Variants in SLIT2 observed in about 807,000 individuals in gnomAD.
The protein encoded by SLIT2 is slit homolog 2 protein.
Under a neutral mutation model 185.7 loss-of-function variants are expected in SLIT2, and 41 were observed. That is an observed-to-expected ratio of 0.22 (90% CI 0.17 to 0.29). The LOEUF (loss-of-function observed/expected upper bound fraction) is 0.29, where lower values mean the gene tolerates loss of function less well. Among genes scored for constraint, SLIT2 ranks in the 10% least tolerant of loss-of-function variants. The pLI is 1.00. For missense variants in SLIT2, 1,571 were observed against 1,909.0 expected (o/e 0.82, Z 3.30); for synonymous variants, 693 against 680.2 (o/e 1.02, Z -0.29).
chr4:20,614,708 C>T (rs931727888), intron 34 of SLIT2, among the ~76,000 whole-genome samples: 13 of 146,780 alleles, frequency 8.9e-5, no homozygotes, highest in Admixed American at 5.7e-4. Context: ...ACCCAGGAGG[C>T]GGGGGTTGCA....
At position 20,523,810 on chromosome 4, in the gene SLIT2, A is replaced by C; in HGVS notation, c.1181A>C (p.Asp394Ala). The C allele has an allele frequency of 6.2e-7, 1 of 1,613,958 alleles. No homozygotes were observed. The highest frequency in any genetic ancestry group is 1.1e-5 in the South Asian group (1 of 91,082). Residue 394 changes from aspartate (D) to alanine (A), a missense_variant, in exon 13 of 37, where the codon GAT becomes GCT. By Grantham distance (126) the Asp-to-Ala change is moderately radical. This residue lies in a region of SLIT2 where 1,202 missense variants were observed against 1,416.4 expected (regional missense o/e 0.85). Transcript: ENST00000504154. ...INCLRVDAFQDLHNLNLLSLY... is the reference protein window; with the variant it reads ...INCLRVDAFQALHNLNLLSLY... ...TGCCTTCGGGTAGATGCTTTTCAGG[A>C]TCTCCACAACTTGAACCTTCTCTCC...
chr4:20,256,735 A>G lies in SLIT2; in HGVS notation c.243A>G (p.Leu81=), dbSNP rs1052560072. ...CAGATTTTGCTGGTCTTAGACATCT[A>G]AGAGTTCTGTAAGTGCATCCTCTGT... is the stretch of plus-strand genomic sequence containing the variant. ...TKTDFAGLRH[L]RVLQLMENKI... The change falls in exon 2 of 37, where the codon CTA becomes CTG. Residue 81 remains leucine (L), a synonymous_variant. Coordinates refer to ENST00000504154, the MANE Select transcript of SLIT2 (RefSeq NM_004787.4). The G allele has an allele frequency of 2.6e-6, 4 of 1,518,130 alleles. No individual in the cohort carries two copies. In the Admixed American group the frequency reaches 7.2e-5, roughly 27 times the overall value. 94.0% of individuals were successfully genotyped at this position (1,518,130 alleles called of 1,614,324 possible). A position where few individuals can be genotyped will look rare whatever the true frequency, so the allele number is the denominator to read the frequency against.
intron 33 of SLIT2, among the ~76,000 whole-genome samples, chr4:20,601,703 G>T (rs539799617): frequency 6.6e-6 from 1 of 152,130 alleles, no homozygotes; most frequent in Non-Finnish European, 1.5e-5. Flanking sequence ...TTTGATGAAA[G>T]ATAGTACTTC....
chr4:20,381,209 C>T (rs941441246), intron 4 of SLIT2, among the ~76,000 whole-genome samples: 10 of 151,832 alleles, frequency 6.6e-5, no homozygotes, highest in Non-Finnish European at 1.2e-4. Context: ...GCTGAGGTTG[C>T]GCAACTGGGC....
chr4:20,603,966 G>A (rs1281829261), intron 33 of SLIT2, among the ~76,000 whole-genome samples: 1 of 152,132 alleles, frequency 6.6e-6, no homozygotes. Flanking sequence ...TTATAACCTT[G>A]GGCAGATTGC....
At chr4:20,267,951 C>T (rs1713212304) in intron 3 of SLIT2, among the ~76,000 whole-genome samples, 2 of 151,764 alleles carry the variant, frequency 1.3e-5, no homozygotes, top group South Asian at 2.1e-4. Flanking sequence ...AGCTCTTTAT[C>T]GTTTTATTTA....
chr4:20,581,770 T>G (rs902255180), intron 29 of SLIT2, among the ~76,000 whole-genome samples: 2 of 152,044 alleles, frequency 1.3e-5, no homozygotes, highest in Non-Finnish European at 2.9e-5. Context: ...TTTCCAGAAT[T>G]TCGCTCTTCA....
At chr4:20,321,604 G>C (rs1013364714) in intron 4 of SLIT2, among the ~76,000 whole-genome samples, 6 of 152,160 alleles carry the variant, frequency 3.9e-5, no homozygotes, top group African/African-American at 1.4e-4. Flanking sequence ...GAATCCAGGA[G>C]AAGTACTGTG....
chr4:20,591,512 A>G (rs1283148616), intron 30 of SLIT2, among the ~76,000 whole-genome samples: 1 of 152,094 alleles, frequency 6.6e-6, no homozygotes, highest in Non-Finnish European at 1.5e-5. Context: ...CTTTTTGAAA[A>G]AGGAAAGAAT....
rs1725216929 is a variant in SLIT2 at position 20,567,674 on chromosome 4, C to A, written c.2948+59C>A. ...AGTATTGGAGCAAAGATAACTAAGC[C>A]AACATACATTTTCCTTTTCAAATCA... On this transcript the variant is annotated intron_variant, in intron 28 of 36. Coordinates refer to ENST00000504154, the MANE Select transcript of SLIT2 (RefSeq NM_004787.4). 8.6e-6 allele frequency: 11 copies of A among 1,280,104 alleles called. No individual in the cohort carries two copies. In the South Asian group the frequency reaches 1.3e-4, roughly 15 times the overall value. The allele number at this position is 1,280,104 out of a possible 1,614,324, so 79.3% of individuals were successfully genotyped here. A position where few individuals can be genotyped will look rare whatever the true frequency, so the allele number is the denominator to read the frequency against.
intron 4 of SLIT2, among the ~76,000 whole-genome samples, chr4:20,399,179 G>A (rs73250370): frequency 0.073 from 11,019 of 151,624 alleles, 550 homozygotes; most frequent in Non-Finnish European, 0.11. Flanking sequence ...AATGGGGTAA[G>A]TAAAACTTTA....
At chr4:20,312,250 A>T (rs540790081) in intron 4 of SLIT2, among the ~76,000 whole-genome samples, 1 of 152,334 alleles carries the variant, frequency 6.6e-6, no homozygotes, top group South Asian at 2.1e-4. Context: ...AACTCAACTA[A>T]CTTAGGCATT....
chr4:20,510,618 A>G (rs982499339), intron 10 of SLIT2, 52 bp downstream of exon 10: 4 of 1,138,246 alleles, frequency 3.5e-6, no homozygotes, highest in Admixed American at 1.8e-5. Flanking sequence ...TATAGAGGTC[A>G]TGAGACCATG....
At chr4:20,342,495 G>A (rs1168078909) in intron 4 of SLIT2, among the ~76,000 whole-genome samples, 1 of 151,898 alleles carries the variant, frequency 6.6e-6, no homozygotes, top group Non-Finnish European at 1.5e-5. Context: ...AGAAGAGGTG[G>A]AATTTGACTC....
intron 4 of SLIT2, among the ~76,000 whole-genome samples, chr4:20,328,141 C>A (rs1011387843): frequency 6.6e-6 from 1 of 151,992 alleles, no homozygotes; most frequent in Non-Finnish European, 1.5e-5. Flanking sequence ...TTAGAATGTC[C>A]ATTTCAGTTC....
rs192535320 is a variant in SLIT2 at position 20,303,551 on chromosome 4, C to A, written c.395+34670C>A. Among the ~76,000 whole-genome samples, 250 of 152,098 alleles carry A rather than the reference C, an allele frequency of 1.6e-3. 2 individuals are homozygous for A. Among genetic ancestry groups the A allele is most frequent in the African/African-American group, 5.8e-3 (239 of 41,494 alleles). ...TCTTCCTCTCTTTCTTTCTTTTCCT[C>A]CTTTGTACCAACCTCTGTGTTAATA... On this transcript the variant is annotated intron_variant, in intron 4 of 36. Transcript: ENST00000504154.
In SLIT2 at chr4:20,484,996, C is replaced by G. The variant is rs1426988146; in HGVS notation, c.540-1204C>G. On this transcript the variant is annotated intron_variant, in intron 6 of 36. Coordinates refer to ENST00000504154, the MANE Select transcript of SLIT2 (RefSeq NM_004787.4). This position sits in a 1 kb window ranked among gnomAD's most constrained non-coding sequence, Gnocchi z 4.3. Reference sequence around the variant, plus strand: ...TCAGGCCCTGCAGTGAACTTGCAACCCCTAATTCAAATCCTTGTCCAGTAT... The same window carrying G: ...TCAGGCCCTGCAGTGAACTTGCAACGCCTAATTCAAATCCTTGTCCAGTAT... 6.6e-6 allele frequency among the ~76,000 whole-genome samples: 1 copy of G among 152,104 alleles called. No homozygotes were observed. The highest frequency in any genetic ancestry group is 1.9e-4 in the East Asian group (1 of 5,176).
At chr4:20,574,614 CT>C (rs1725922666) in intron 29 of SLIT2, among the ~76,000 whole-genome samples, 1 of 152,024 alleles carries the variant, frequency 6.6e-6, no homozygotes, top group African/African-American at 2.4e-5. Context: ...TGGTGAAACC[CT>C]GTCTCTACTA....
chr4:20,275,007 C>T (rs1050566956), intron 4 of SLIT2, among the ~76,000 whole-genome samples: 7 of 152,034 alleles, frequency 4.6e-5, no homozygotes, highest in African/African-American at 1.7e-4. Flanking sequence ...ATGTGAATTT[C>T]AGTCTATCAT....
Sources: allele counts gnomAD v4.1 joint callset (sites outside exome capture counted in the v4.1 genomes callset), GRCh38; gene constraint gnomAD v4.1.1; regional missense constraint gnomAD v4.1.1; non-coding constraint Gnocchi (gnomAD v3.1); transcripts MANE v1.5; gene names NCBI Gene and HGNC (gene_info 2026-07-23, HGNC 2026-07-21).